Variants in DPYD observed in about 807,000 individuals in gnomAD.
The protein encoded by DPYD is dihydropyrimidine dehydrogenase [NADP(+)].
A neutral mutation model predicts 116.2 loss-of-function variants in DPYD; 109 were observed. The observed-to-expected ratio is 0.94, with a 90% confidence interval of 0.80 to 1.10. The LOEUF is 1.10. Among genes scored for constraint, DPYD ranks in the 50% least tolerant of loss-of-function variants. The pLI is 0.00. For missense variants in DPYD, 1,302 were observed against 1,254.5 expected, an observed-to-expected ratio of 1.04 and a Z score of -0.57; for synonymous variants, 440 against 432.0, an observed-to-expected ratio of 1.02 and a Z score of -0.23.
At chr1:97,883,841 A>AT in intron 1 of DPYD, 1 of 476,916 alleles carries the variant, frequency 2.1e-6, no homozygotes, top group Non-Finnish European at 4.1e-6. Flanking sequence ...TCACAAAAAA[A>AT]AAAAGATACA....
At chr1:97,277,154 A>G (rs935936767) in intron 18 of DPYD, among the ~76,000 whole-genome samples, 2 of 152,146 alleles carry the variant, frequency 1.3e-5, no homozygotes, top group African/African-American at 4.8e-5. Context: ...GGAGCTAAAC[A>G]CTGGGTATAC....
chr1:97,773,868 T>C (rs191877708), intron 3 of DPYD, among the ~76,000 whole-genome samples: 2 of 152,254 alleles, frequency 1.3e-5, no homozygotes, highest in African/African-American at 2.4e-5. Flanking sequence ...CAAGCCCACA[T>C]GTGATCTGAT....
At position 97,148,107 on chromosome 1, in the gene DPYD, G is replaced by T. The variant is rs185252844; in HGVS notation, c.2622+44962C>A. Among the ~76,000 whole-genome samples the T allele has an allele frequency of 2.1e-3, 321 of 152,194 alleles. 2 individuals carry two copies. Among genetic ancestry groups the T allele is most frequent in the African/African-American group, 7.4e-3 (307 of 41,526 alleles). On this transcript the variant is annotated intron_variant, in intron 20 of 22. Transcript: ENST00000370192. ...CCTGCAACTGTAACAAATGTCCTGGGATGAAATGTCTGGAGCCTTAAGCTG... is the reference window on the plus strand; with the variant it reads ...CCTGCAACTGTAACAAATGTCCTGGTATGAAATGTCTGGAGCCTTAAGCTG...
At chr1:97,673,616 GGT>G (rs2100902777) in intron 8 of DPYD, among the ~76,000 whole-genome samples, 1 of 152,186 alleles carries the variant, frequency 6.6e-6, no homozygotes, top group South Asian at 2.1e-4. Flanking sequence ...AACTTCTAGT[GGT>G]GGAAACAAAC....
intron 13 of DPYD, among the ~76,000 whole-genome samples, chr1:97,468,701 T>A (rs753125558): frequency 6.6e-6 from 1 of 152,152 alleles, no homozygotes; most frequent in Non-Finnish European, 1.5e-5. Flanking sequence ...GGAGGCTGGA[T>A]TTGACCCACG....
chr1:97,465,242 C>T (rs1677250727), intron 13 of DPYD, among the ~76,000 whole-genome samples: 1 of 152,152 alleles, frequency 6.6e-6, no homozygotes, highest in African/African-American at 2.4e-5. Context: ...AAGTAACTAA[C>T]TTTCTTTTGA....
chr1:97,109,872 T>C (rs1651465545), intron 20 of DPYD, among the ~76,000 whole-genome samples: 2 of 152,228 alleles, frequency 1.3e-5, no homozygotes, highest in South Asian at 2.1e-4. Context: ...AATATCTTTC[T>C]AATATAATTA....
chr1:97,143,896 A>C (rs548943716), intron 20 of DPYD, among the ~76,000 whole-genome samples: 1 of 152,254 alleles, frequency 6.6e-6, no homozygotes, highest in South Asian at 2.1e-4. Flanking sequence ...GGCTGCTTTT[A>C]TGTGTCATCA....
At chr1:97,824,377 G>A (rs1669120488) in intron 3 of DPYD, among the ~76,000 whole-genome samples, 1 of 152,142 alleles carries the variant, frequency 6.6e-6, no homozygotes, top group African/African-American at 2.4e-5. Context: ...TTAAGTGAGA[G>A]GCAGTCAAGT....
At chr1:97,119,645 A>C (rs1514499) in intron 20 of DPYD, among the ~76,000 whole-genome samples, 4,186 of 152,260 alleles carry the variant, frequency 0.027, 109 homozygotes, top group African/African-American at 0.071. Context: ...TTGTTTAAAA[A>C]GGTCAGCTCA....
chr1:97,153,871 C>T (rs988344235), intron 20 of DPYD, among the ~76,000 whole-genome samples: 2 of 150,248 alleles, frequency 1.3e-5, no homozygotes, highest in Non-Finnish European at 3.0e-5. Context: ...AACAAATGGC[C>T]AACAAGCATA....
chr1:97,565,100 G>C (rs114602316), intron 11 of DPYD, among the ~76,000 whole-genome samples: 2 of 152,020 alleles, frequency 1.3e-5, no homozygotes, highest in South Asian at 4.1e-4. Context: ...AGTCGCCCCT[G>C]ATACTGAAAA....
At chr1:97,628,739 C>T (rs1414258071) in intron 8 of DPYD, among the ~76,000 whole-genome samples, 4 of 151,926 alleles carry the variant, frequency 2.6e-5, no homozygotes, top group African/African-American at 4.8e-5. Flanking sequence ...AAGAAAAATT[C>T]AGCACCACCT....
intron 2 of DPYD, chr1:97,856,302 T>G (rs897671615): frequency 2.0e-5 from 3 of 152,138 alleles, no homozygotes; most frequent in African/African-American, 7.2e-5. Flanking sequence ...CTATTTAGAC[T>G]GTGTTTACCC....
intron 2 of DPYD, among the ~76,000 whole-genome samples, chr1:97,842,616 ATAAC>A (rs907802505): frequency 3.9e-4 from 60 of 152,182 alleles, no homozygotes; most frequent in African/African-American, 1.3e-3. Flanking sequence ...ATTAATTATT[ATAAC>A]TAACATCACG....
Position 97,400,638 on chromosome 1 carries a change from G to A in DPYD, c.1906-18177C>T, listed in dbSNP as rs555863532. ...GCCTCAATTTCAGAGCCTGTTAATGGTCTATTCAGAGATTCAACTTCTTCC... is the reference window on the plus strand; with the variant it reads ...GCCTCAATTTCAGAGCCTGTTAATGATCTATTCAGAGATTCAACTTCTTCC... On this transcript the variant is annotated intron_variant, in intron 14 of 22. Transcript: ENST00000370192. Among the ~76,000 whole-genome samples the A allele has an allele frequency of 3.3e-5, 5 of 152,250 alleles. No individual in the cohort carries two copies. The East Asian group carries it at 7.8e-4, about 24-fold the overall frequency.
rs540854002 is a variant in DPYD at position 97,773,694 on chromosome 1, C to T, written c.234-33215G>A. Among the ~76,000 whole-genome samples the T allele has an allele frequency of 1.2e-4, 18 of 152,270 alleles. No individual in the cohort carries two copies. In the East Asian group the frequency reaches 3.3e-3, roughly 28 times the overall value. Reference sequence around the variant, plus strand: ...CACGGCCATAGATGGCAGAACGAAGCGGATTACATGGAATTTGGCTGAGGG... The same window carrying T: ...CACGGCCATAGATGGCAGAACGAAGTGGATTACATGGAATTTGGCTGAGGG... On this transcript the variant is annotated intron_variant, in intron 3 of 22. Coordinates refer to ENST00000370192, the MANE Select transcript of DPYD (RefSeq NM_000110.4).
intron 11 of DPYD, among the ~76,000 whole-genome samples, chr1:97,559,054 T>C (rs1218069051): frequency 6.6e-6 from 1 of 152,168 alleles, no homozygotes; most frequent in Admixed American, 6.6e-5. Flanking sequence ...CATCCTTTAA[T>C]CTGGTTTGGA....
At chr1:97,675,377 A>G (rs1660085218) in intron 8 of DPYD, among the ~76,000 whole-genome samples, 1 of 152,208 alleles carries the variant, frequency 6.6e-6, no homozygotes, top group Admixed American at 6.5e-5. Context: ...TAACAGACTA[A>G]TTTTGAATAA....
Sources: allele counts gnomAD v4.1 joint callset (sites outside exome capture counted in the v4.1 genomes callset), GRCh38; gene constraint gnomAD v4.1.1; transcripts MANE v1.5; gene names NCBI Gene and HGNC (gene_info 2026-07-23, HGNC 2026-07-21).